Variants in PHTF1 observed in about 807,000 individuals in gnomAD.
PHTF1 encodes putative homeodomain transcription factor 1.
In PHTF1, 88 loss-of-function variants were observed where a neutral mutation model predicts 102.4. That is an observed-to-expected ratio of 0.86 (90% CI 0.72 to 1.03). The LOEUF (loss-of-function observed/expected upper bound fraction) is 1.03, where lower values mean the gene tolerates loss of function less well. Ranked by LOEUF, PHTF1 falls within the 50% of genes least tolerant of loss-of-function variation. The pLI, the probability that PHTF1 is intolerant of heterozygous loss-of-function variation, is 0.00. For missense variants in PHTF1, 814 were observed against 909.5 expected (o/e 0.89, Z 1.35); for synonymous variants, 289 against 305.2 (o/e 0.95, Z 0.55).
At chr1:113,719,282 C>G (rs991305998) in intron 7 of PHTF1, among the ~76,000 whole-genome samples, 2 of 152,118 alleles carry the variant, frequency 1.3e-5, no homozygotes, top group Admixed American at 1.3e-4. Flanking sequence ...GGATTACAGG[C>G]GTGAGCCACC....
intron 3 of PHTF1, among the ~76,000 whole-genome samples, chr1:113,755,545 AT>A (rs1658722078): frequency 6.6e-6 from 1 of 152,218 alleles, no homozygotes; most frequent in South Asian, 2.1e-4. Flanking sequence ...GGTTAGGTAG[AT>A]TACCCTATGA....
At chr1:113,737,282 C>A (rs1655644475) in intron 5 of PHTF1, among the ~76,000 whole-genome samples, 2 of 152,220 alleles carry the variant, frequency 1.3e-5, no homozygotes, top group South Asian at 2.1e-4. Flanking sequence ...CACACAGGCA[C>A]ATGTGTGCAG....
intron 3 of PHTF1, among the ~76,000 whole-genome samples, chr1:113,755,210 A>C (rs935587024): frequency 6.6e-6 from 1 of 151,206 alleles, no homozygotes; most frequent in African/African-American, 2.4e-5. Flanking sequence ...TTGTTTTCAA[A>C]AAATTGTATT....
intron 3 of PHTF1, among the ~76,000 whole-genome samples, chr1:113,746,230 G>C (rs561166325): frequency 6.6e-6 from 1 of 152,276 alleles, no homozygotes; most frequent in African/African-American, 2.4e-5. Flanking sequence ...ATATTTAGCA[G>C]GTATCATCCA....
At chr1:113,738,843 GC>G (rs1655921947) in intron 3 of PHTF1, 44 bp from the exon 4 acceptor site, 2 of 1,300,550 alleles carry the variant, frequency 1.5e-6, no homozygotes, top group Admixed American at 2.1e-5. Context: ...ATAAAGAAAA[GC>G]CCTTTTATTT....
rs751879429 is a variant in PHTF1, at chr1:113,705,940, TA to T, written c.1620del (p.Thr541LeufsTer7). ...CACATCATGAAAAAAAACATCCAAG[TA>T]AGACACAATCTTTCAAAAAAATTAA... ...SIINFFERLCLTWMFFFMMCV... is the reference protein window; with the variant it reads ...SIINFFERLCXTWMFFFMMCV... On this transcript the variant is annotated frameshift_variant, in exon 13 of 19. Transcript: ENST00000369604. LOFTEE classifies it high-confidence loss of function. 3.7e-6 allele frequency: 6 copies of T among 1,613,848 alleles called. No individual in the cohort carries two copies. The highest frequency in any genetic ancestry group is 5.1e-6 in the Non-Finnish European group (6 of 1,179,884).
chr1:113,720,861 A>G (rs1199213532), intron 7 of PHTF1, among the ~76,000 whole-genome samples: 4 of 152,242 alleles, frequency 2.6e-5, no homozygotes, highest in African/African-American at 4.8e-5. Flanking sequence ...TGGACATCCA[A>G]GCATTTCCAT....
rs536246534 is a variant in PHTF1 at position 113,701,348 on chromosome 1, G to A, written c.1891-399C>T. Among the ~76,000 whole-genome samples, 8 of 152,226 alleles carry A rather than the reference G, an allele frequency of 5.3e-5. No homozygotes were observed. In the South Asian group the frequency reaches 1.7e-3, roughly 32 times the overall value. Reference sequence around the variant, plus strand: ...ACTGGTATGACTAGAAAATCCTAAGGATCAGTTCTTTATTCTGTTTTAGGC... The same window carrying A: ...ACTGGTATGACTAGAAAATCCTAAGAATCAGTTCTTTATTCTGTTTTAGGC... On this transcript the variant is annotated intron_variant, in intron 15 of 18. Coordinates refer to ENST00000369604, the MANE Select transcript of PHTF1 (RefSeq NM_001323043.2).
intron 16 of PHTF1, 172 bp from the exon 17 acceptor site, chr1:113,699,971 T>C (rs1381864481): frequency 4.3e-6 from 3 of 689,674 alleles, no homozygotes; most frequent in Non-Finnish European, 6.3e-6. Flanking sequence ...TCCTGATCAG[T>C]CTCCCTCTGG....
At chr1:113,756,266 G>A (rs1428530252) in intron 3 of PHTF1, among the ~76,000 whole-genome samples, 2 of 151,994 alleles carry the variant, frequency 1.3e-5, no homozygotes, top group Non-Finnish European at 2.9e-5. Context: ...AATAAAATCT[G>A]GAGACTTATT....
intron 5 of PHTF1, among the ~76,000 whole-genome samples, chr1:113,730,801 A>C (rs1654519591): frequency 6.6e-6 from 1 of 152,236 alleles, no homozygotes; most frequent in Non-Finnish European, 1.5e-5. Flanking sequence ...GTACAAACTA[A>C]ACATGGTATC....
intron 3 of PHTF1, among the ~76,000 whole-genome samples, chr1:113,743,277 A>C (rs1170830630): frequency 6.6e-6 from 1 of 151,948 alleles, no homozygotes; most frequent in Non-Finnish European, 1.5e-5. Context: ...AAAAACTAAG[A>C]CACACACAGC....
intron 18 of PHTF1, 42 bp from the exon 19 acceptor site, chr1:113,697,767 AC>A (rs762156397): frequency 1.4e-6 from 2 of 1,475,858 alleles, no homozygotes; most frequent in South Asian, 2.3e-5. Flanking sequence ...TTCTAGGAAA[AC>A]CAGGTGGGAT....
intron 3 of PHTF1, among the ~76,000 whole-genome samples, chr1:113,745,024 AGGCAGGGCAG>A (rs368445019): frequency 6.7e-6 from 1 of 148,976 alleles, no homozygotes; most frequent in African/African-American, 2.5e-5. Context: ...GGAGAGGGCA[AGGCAGGGCAG>A]GGCAGGGCAG....
intron 18 of PHTF1, 100 bp downstream of exon 18, chr1:113,698,155 ACACACAC>A: frequency 3.5e-4 from 2 of 5,764 alleles, no homozygotes; most frequent in Non-Finnish European, 6.7e-4. Context: ...TGCTAGAAAC[ACACACAC>A]ACACACACAC....
At chr1:113,729,353 T>A (rs1654300469) in intron 5 of PHTF1, among the ~76,000 whole-genome samples, 1 of 152,162 alleles carries the variant, frequency 6.6e-6, no homozygotes, top group South Asian at 2.1e-4. Flanking sequence ...CACAACAGGC[T>A]GACCTATAGT....
intron 7 of PHTF1, among the ~76,000 whole-genome samples, chr1:113,724,359 G>T (rs944584389): frequency 1.3e-5 from 2 of 152,004 alleles, no homozygotes; most frequent in African/African-American, 4.8e-5. Flanking sequence ...GGGCAACATG[G>T]TTACACCCTG....
At position 113,698,364 on chromosome 1, in the gene PHTF1, G is replaced by T. The variant is rs1649030653; in HGVS notation, c.2166C>A (p.Leu722=). The T allele has an allele frequency of 3.1e-6, 5 of 1,610,914 alleles. No homozygotes were observed. The highest frequency in any genetic ancestry group is 2.2e-5 in the South Asian group (2 of 91,000). Residue 722 remains leucine (L), a synonymous_variant, in exon 18 of 19, where the codon CTC becomes CTA. Coordinates refer to ENST00000369604, the MANE Select transcript of PHTF1 (RefSeq NM_001323043.2). ...LLKELDTPFR[L]YGLTMNPLIY... is the part of the protein sequence containing the mutation. ...TTAAGGGATTCATTGTCAGTCCATA[G>T]AGTCTAAATGGTGTGTCCAGCTCCT... is the stretch of plus-strand genomic sequence containing the variant.
intron 3 of PHTF1, among the ~76,000 whole-genome samples, chr1:113,747,329 A>G (rs1657403170): frequency 6.6e-6 from 1 of 152,096 alleles, no homozygotes; most frequent in Non-Finnish European, 1.5e-5. Context: ...AATGCACTTA[A>G]TCTTCTATTA....
Sources: gnomAD v4.1 joint callset for allele counts (sites outside exome capture counted in the v4.1 genomes callset) on GRCh38, gnomAD v4.1.1 for gene constraint, MANE v1.5 for transcripts, NCBI Gene and HGNC (gene_info 2026-07-23, HGNC 2026-07-21) for gene names.